PAK5: variants seen among roughly 807,000 people sequenced by gnomAD.
PAK5 encodes the protein serine/threonine-protein kinase PAK 5.
Under a neutral mutation model 65.9 loss-of-function variants are expected in PAK5, and 16 were observed. That is an observed-to-expected ratio of 0.24 (90% CI 0.16 to 0.37). The LOEUF is 0.37. Among genes scored for constraint, PAK5 ranks in the 10% least tolerant of loss-of-function variants. The pLI, the probability that PAK5 is intolerant of heterozygous loss-of-function variation, is 1.00. For missense variants in PAK5, 785 were observed against 903.9 expected (o/e 0.87, Z 1.69); for synonymous variants, 371 against 354.9 (o/e 1.05, Z -0.51).
chr20:9,588,364 A>T (rs1603233633), intron 3 of PAK5, among the ~76,000 whole-genome samples: 1 of 152,194 alleles, frequency 6.6e-6, no homozygotes, highest in Admixed American at 6.5e-5. Context: ...ATGTTTGTTG[A>T]TGGTATAAAT....
At chr20:9,692,685 T>G (rs1023725685) in intron 2 of PAK5, among the ~76,000 whole-genome samples, 3 of 152,164 alleles carry the variant, frequency 2.0e-5, no homozygotes, top group Non-Finnish European at 4.4e-5. Flanking sequence ...AAATATACCT[T>G]CACAAACTTT....
At chr20:9,544,288 G>T in intron 8 of PAK5, 81 bp downstream of exon 8, 1 of 1,456,600 alleles carries the variant, frequency 6.9e-7, no homozygotes, top group Non-Finnish European at 9.5e-7. Context: ...CCCATCTCCT[G>T]TGGTCACCAA....
At chr20:9,733,755 C>G (rs6087001) in intron 1 of PAK5, among the ~76,000 whole-genome samples, 74,817 of 151,972 alleles carry the variant, frequency 0.49, 18,510 homozygotes, top group South Asian at 0.63. Flanking sequence ...CTTTCTTTCT[C>G]TTTTTAAACA....
At chr20:9,736,018 C>T (rs1266924065) in intron 1 of PAK5, among the ~76,000 whole-genome samples, 1 of 151,458 alleles carries the variant, frequency 6.6e-6, no homozygotes, top group African/African-American at 2.4e-5. Context: ...TCTCCTGCCT[C>T]AGCCTCCCGA....
chr20:9,677,700 T>A (rs530450209), intron 2 of PAK5, among the ~76,000 whole-genome samples: 1 of 152,232 alleles, frequency 6.6e-6, no homozygotes, highest in African/African-American at 2.4e-5. Flanking sequence ...TAACTGTGAA[T>A]GGAAACTGAT....
intron 3 of PAK5, among the ~76,000 whole-genome samples, chr20:9,625,523 G>A (rs2046832160): frequency 6.6e-6 from 1 of 152,214 alleles, no homozygotes; most frequent in African/African-American, 2.4e-5. Flanking sequence ...TCAAAAGTAA[G>A]ACTTTTTTGA....
At chr20:9,749,728 C>G (rs772724590) in intron 1 of PAK5, among the ~76,000 whole-genome samples, 11 of 152,282 alleles carry the variant, frequency 7.2e-5, no homozygotes, top group Non-Finnish European at 1.6e-4. Context: ...CATGACAAGA[C>G]AAGGAATCCG....
rs573421199 is a variant in PAK5, at chr20:9,554,225, C to A, written c.1743+3383G>T. 4.5e-4 allele frequency among the ~76,000 whole-genome samples: 68 copies of A among 152,330 alleles called. No individual in the cohort carries two copies. In the Middle Eastern group the frequency reaches 0.01, roughly 23 times the overall value. On this transcript the variant is annotated intron_variant, in intron 7 of 9. Transcript: ENST00000353224. ...TTCTCACACTGAGGAGGACTCTAAA[C>A]CCCTGCCCCCTGAATCTGGAAGGGC...
intron 2 of PAK5, among the ~76,000 whole-genome samples, chr20:9,659,238 T>A (rs529737526): frequency 6.6e-6 from 1 of 152,238 alleles, no homozygotes; most frequent in Non-Finnish European, 1.5e-5. Flanking sequence ...CTGCTTTCTT[T>A]CCTTCAATCT....
At chr20:9,660,114 C>T (rs2047324296) in intron 2 of PAK5, among the ~76,000 whole-genome samples, 1 of 152,056 alleles carries the variant, frequency 6.6e-6, no homozygotes, top group South Asian at 2.1e-4. Flanking sequence ...TTTTCAGATT[C>T]TCACTTACAG....
chr20:9,794,168 G>A (rs543444771), intron 1 of PAK5, among the ~76,000 whole-genome samples: 2 of 147,532 alleles, frequency 1.4e-5, no homozygotes, highest in East Asian at 4.2e-4. Context: ...CACACACTGG[G>A]TCATGTTGGG....
chr20:9,707,720 A>T (rs975035934), intron 2 of PAK5, among the ~76,000 whole-genome samples: 1 of 152,174 alleles, frequency 6.6e-6, no homozygotes, highest in African/African-American at 2.4e-5. Flanking sequence ...CACATGGCTC[A>T]GTTGCCATAA....
At chr20:9,590,806 A>G (rs771003617) in intron 3 of PAK5, among the ~76,000 whole-genome samples, 11 of 151,358 alleles carry the variant, frequency 7.3e-5, no homozygotes, top group Admixed American at 1.3e-4. Flanking sequence ...AATTGACTAG[A>G]ATAAGCAACC....
At chr20:9,703,753 C>G (rs1005845107) in intron 2 of PAK5, among the ~76,000 whole-genome samples, 2 of 150,504 alleles carry the variant, frequency 1.3e-5, no homozygotes, top group African/African-American at 2.5e-5. Context: ...ATATCCCCCC[C>G]TCCACTCTAA....
intron 1 of PAK5, among the ~76,000 whole-genome samples, chr20:9,802,151 T>C (rs1119433): frequency 0.59 from 89,640 of 151,994 alleles, 26,571 homozygotes; most frequent in Admixed American, 0.65. Flanking sequence ...GAACTTCCCA[T>C]ACTTCTGGGT....
intron 2 of PAK5, among the ~76,000 whole-genome samples, chr20:9,671,699 A>G (rs2047500776): frequency 6.7e-6 from 1 of 148,500 alleles, no homozygotes; most frequent in Admixed American, 6.7e-5. Context: ...TTTTCTAGAT[A>G]TACAATCATG....
rs1464822584 is a variant in PAK5, at chr20:9,548,107, C to T, written c.1744-3613G>A. Among the ~76,000 whole-genome samples, 5 of 152,262 alleles carry T rather than the reference C, an allele frequency of 3.3e-5. No individual in the cohort carries two copies. The South Asian group carries it at 6.2e-4, about 19-fold the overall frequency. On this transcript the variant is annotated intron_variant, in intron 7 of 9. Transcript: ENST00000353224. ...TCTGTAATCTGGTGCCTTTTCGTGTCGCCAATTTTATTCCTCATGGCTTTC... is the reference window on the plus strand; with the variant it reads ...TCTGTAATCTGGTGCCTTTTCGTGTTGCCAATTTTATTCCTCATGGCTTTC...
intron 1 of PAK5, among the ~76,000 whole-genome samples, chr20:9,773,898 C>A (rs908472274): frequency 4.6e-5 from 7 of 152,182 alleles, no homozygotes; most frequent in African/African-American, 1.7e-4. Context: ...CAGTCTGAGT[C>A]CTGAGTTCAT....
intron 3 of PAK5, among the ~76,000 whole-genome samples, chr20:9,613,325 C>A (rs1013440663): frequency 1.3e-5 from 2 of 152,248 alleles, no homozygotes; most frequent in African/African-American, 2.4e-5. Flanking sequence ...CAGGAGGATA[C>A]AGAAGATCAC....
Sources: gnomAD v4.1 joint callset for allele counts (sites outside exome capture counted in the v4.1 genomes callset) on GRCh38, gnomAD v4.1.1 for gene constraint, MANE v1.5 for transcripts, NCBI Gene and HGNC (gene_info 2026-07-23, HGNC 2026-07-21) for gene names.